DGKH: variants seen among roughly 807,000 people sequenced by gnomAD.
DGKH encodes DAG kinase eta.
In DGKH, 90 loss-of-function variants were observed where a neutral mutation model predicts 159.3. The observed-to-expected ratio is 0.57, with a 90% CI of 0.48 to 0.67. DGKH has a LOEUF of 0.67. Among genes scored for constraint, DGKH ranks in the 30% least tolerant of loss-of-function variants. DGKH has a pLI of 0.00. For missense variants in DGKH, 1,181 were observed against 1,506.1 expected (o/e 0.78, Z 3.57); for synonymous variants, 536 against 553.8 (o/e 0.97, Z 0.45).
chr13:42,188,918 G>A (rs2122246), intron 14 of DGKH, 118 bp from the exon 15 acceptor site: 138,503 of 1,127,094 alleles, frequency 0.12, 11,172 homozygotes, highest in East Asian at 0.41. Context: ...TGAGAATTTT[G>A]GTGTTTTTCT....
rs1409626213 is a variant in DGKH, at chr13:42,229,536, A to G, written c.*348A>G. On this transcript the variant is annotated 3_prime_UTR_variant, in exon 30 of 30. Coordinates refer to ENST00000337343, the MANE Select transcript of DGKH (RefSeq NM_178009.5). ...AGATCTGGTCTGATGGAATGTTCCT[A>G]CTGTGCAACTGCATAACAATATGTG... 4 of 180,634 alleles carry G rather than the reference A, an allele frequency of 2.2e-5. No homozygotes were observed. The highest frequency in any genetic ancestry group is 4.6e-5 in the Non-Finnish European group (4 of 87,520). The allele number at this position is 180,634 out of a possible 1,614,324, so 11.2% of individuals were successfully genotyped here.
chr13:42,107,202 TTAAGG>T (rs1954776836), intron 1 of DGKH, among the ~76,000 whole-genome samples: 15 of 152,184 alleles, frequency 9.9e-5, no homozygotes, highest in Admixed American at 8.5e-4. Flanking sequence ...AGTCCAGCAT[TTAAGG>T]GTGAGTCACG....
chr13:42,135,567 G>A (rs1176208724), intron 3 of DGKH, among the ~76,000 whole-genome samples: 6 of 150,670 alleles, frequency 4.0e-5, no homozygotes, highest in Admixed American at 2.0e-4. Flanking sequence ...TTCTACCATG[G>A]CATTTTCTAT....
intron 3 of DGKH, among the ~76,000 whole-genome samples, chr13:42,146,867 A>G (rs1821626721): frequency 2.6e-5 from 4 of 152,230 alleles, no homozygotes; most frequent in Non-Finnish European, 4.4e-5. Flanking sequence ...TTCTAAATAC[A>G]TTTTGAATTT....
intron 1 of DGKH, among the ~76,000 whole-genome samples, chr13:42,104,593 G>A (rs1054241445): frequency 6.6e-5 from 10 of 152,142 alleles, no homozygotes; most frequent in East Asian, 1.9e-4. Flanking sequence ...CCTCATTTCC[G>A]CTCATGTCCT....
At chr13:42,176,694 G>T (rs935359531) in intron 12 of DGKH, among the ~76,000 whole-genome samples, 1 of 152,176 alleles carries the variant, frequency 6.6e-6, no homozygotes, top group Non-Finnish European at 1.5e-5. Flanking sequence ...CTTCAAATAA[G>T]TCTGAATAAA....
intron 7 of DGKH, among the ~76,000 whole-genome samples, chr13:42,162,154 C>G (rs1956198518): frequency 6.6e-6 from 1 of 152,180 alleles, no homozygotes; most frequent in African/African-American, 2.4e-5. Context: ...TATAGCACCT[C>G]TCTTAGTCTT....
downstream of DGKH, among the ~76,000 whole-genome samples, chr13:42,247,388 G>A (rs1958590204): frequency 6.6e-6 from 1 of 151,882 alleles, no homozygotes; most frequent in African/African-American, 2.4e-5. Context: ...GCGCCACCAT[G>A]CCCTGCTAAT....
At chr13:42,052,200 A>G (rs1881374921) in intron 1 of DGKH, among the ~76,000 whole-genome samples, 1 of 152,220 alleles carries the variant, frequency 6.6e-6, no homozygotes, top group South Asian at 2.1e-4. Context: ...TTTTGAAATC[A>G]GTGTGGCTTA....
chr13:42,136,107 G>A (rs1026213691), intron 3 of DGKH, among the ~76,000 whole-genome samples: 3 of 152,092 alleles, frequency 2.0e-5, no homozygotes, highest in African/African-American at 7.2e-5. Context: ...CTACCTCATA[G>A]GATTATAAGG....
chr13:42,061,990 T>TGTGTGTGTGTGG (rs1270232681), intron 1 of DGKH, among the ~76,000 whole-genome samples: 4 of 149,540 alleles, frequency 2.7e-5, no homozygotes, highest in Admixed American at 6.7e-5. Context: ...TGTGTGTGGG[T>TGTGTGTGTGTGG]GTGTGTGTGT....
intron 3 of DGKH, chr13:42,140,442 T>A (rs1955515266): frequency 6.6e-6 from 1 of 152,210 alleles, no homozygotes; most frequent in Non-Finnish European, 1.5e-5. Flanking sequence ...GATACTGTCA[T>A]TGTCACCATG....
intron 1 of DGKH, among the ~76,000 whole-genome samples, chr13:42,059,845 C>T (rs1882013653): frequency 6.6e-6 from 1 of 151,502 alleles, no homozygotes; most frequent in East Asian, 1.9e-4. Context: ...ATGCTATTGA[C>T]CACATCTTCT....
intron 1 of DGKH, chr13:42,070,395 A>G: frequency 7.1e-7 from 1 of 1,407,714 alleles, no homozygotes; most frequent in East Asian, 2.3e-5. Context: ...GTGCACCTGC[A>G]AAAAGGGTTT....
chr13:42,133,849 A>G (rs889367266), intron 3 of DGKH, among the ~76,000 whole-genome samples: 1 of 152,182 alleles, frequency 6.6e-6, no homozygotes, highest in East Asian at 1.9e-4. Context: ...CATGTTTTCA[A>G]CCAGTAATTG....
At chr13:42,055,250 C>T (rs565134473) in intron 1 of DGKH, among the ~76,000 whole-genome samples, 17 of 152,182 alleles carry the variant, frequency 1.1e-4, no homozygotes, top group African/African-American at 3.9e-4. Context: ...ATTTAAGGGA[C>T]CAAATAAAGC....
chr13:42,110,612 T>TCATTCATTCATTCATTC (rs1293766657), intron 1 of DGKH, among the ~76,000 whole-genome samples: 2 of 152,262 alleles, frequency 1.3e-5, no homozygotes, highest in East Asian at 3.8e-4. Flanking sequence ...ATTCATTCGT[T>TCATTCATTCATTCATTC]GTTTTACCCA....
At chr13:42,110,600 T>TCATTCATTCATTCATG (rs1954845375) in intron 1 of DGKH, among the ~76,000 whole-genome samples, 1 of 152,158 alleles carries the variant, frequency 6.6e-6, no homozygotes, top group Non-Finnish European at 1.5e-5. Flanking sequence ...ATTCATTCAT[T>TCATTCATTCATTCATG]CATTCATTCG....
chr13:42,211,802 T>TA (rs1343565148), intron 24 of DGKH, among the ~76,000 whole-genome samples: 1 of 152,170 alleles, frequency 6.6e-6, no homozygotes, highest in Non-Finnish European at 1.5e-5. Flanking sequence ...AGGCACGTCT[T>TA]ACATGGCAGT....
Sources: gnomAD v4.1 joint callset for allele counts (sites outside exome capture counted in the v4.1 genomes callset) on GRCh38, gnomAD v4.1.1 for gene constraint, MANE v1.5 for transcripts, NCBI Gene and HGNC (gene_info 2026-07-23, HGNC 2026-07-21) for gene names.